The following RAB38 variants were observed in gnomAD, a reference collection of about 807,000 sequenced individuals.
RAB38 encodes RAB38, member RAS oncogene family.
RAB38 carries 15 observed loss-of-function variants against 18.4 expected under a neutral mutation model. The ratio of observed to expected loss-of-function variants is 0.82; its 90% CI spans 0.55 to 1.26. The LOEUF is 1.26. Among genes scored for constraint, RAB38 ranks in the 50% most tolerant of loss-of-function variants. RAB38 has a pLI of 0.00. For synonymous variants in RAB38, 101 were observed against 104.4 expected, an observed-to-expected ratio of 0.97 and a Z score of 0.20; for missense variants, 294 against 267.4, an observed-to-expected ratio of 1.10 and a Z score of -0.69.
At chr11:87,932,520 C>T in the RAB38 span, among the ~76,000 whole-genome samples, 2 of 152,038 alleles carry the variant, frequency 1.3e-5, no homozygotes, top group Admixed American at 1.3e-4. Context: ...CTTCTATCAT[C>T]TCACCAAATC....
the RAB38 span, among the ~76,000 whole-genome samples, chr11:87,963,115 C>A: frequency 2.0e-5 from 3 of 152,058 alleles, no homozygotes; most frequent in African/African-American, 7.2e-5. Context: ...CATTAAACAT[C>A]CTGGGAACAT....
chr11:87,945,575 G>A, the RAB38 span, among the ~76,000 whole-genome samples: 1 of 152,042 alleles, frequency 6.6e-6, no homozygotes, highest in Non-Finnish European at 1.5e-5. Context: ...GTAGAAGAGT[G>A]AAGGAAAAGA....
At chr11:88,032,375 C>A in the RAB38 span, among the ~76,000 whole-genome samples, 2 of 152,132 alleles carry the variant, frequency 1.3e-5, no homozygotes, top group East Asian at 3.9e-4. Flanking sequence ...CCAAAATTGA[C>A]AAATGGGATC....
the RAB38 span, among the ~76,000 whole-genome samples, chr11:88,070,064 C>G: frequency 6.6e-6 from 1 of 152,162 alleles, no homozygotes. Flanking sequence ...GGGTCCCCTT[C>G]CACACTGTGG....
At chr11:87,827,680 C>T in the RAB38 span, among the ~76,000 whole-genome samples, 3 of 152,244 alleles carry the variant, frequency 2.0e-5, no homozygotes, top group South Asian at 2.1e-4. Context: ...TTTCTTGACA[C>T]GGTTAGCCTG....
chr11:88,077,218 G>A, the RAB38 span, among the ~76,000 whole-genome samples: 2 of 151,762 alleles, frequency 1.3e-5, no homozygotes, highest in East Asian at 3.9e-4. Context: ...ATGACAATAT[G>A]ACCAAATGCA....
At chr11:87,965,821 G>A in the RAB38 span, among the ~76,000 whole-genome samples, 2 of 152,146 alleles carry the variant, frequency 1.3e-5, no homozygotes, top group African/African-American at 4.8e-5. Flanking sequence ...TAGGCCTAAG[G>A]TAAATGGAAG....
the RAB38 span, among the ~76,000 whole-genome samples, chr11:87,899,860 T>C: frequency 6.6e-6 from 1 of 151,682 alleles, no homozygotes; most frequent in Non-Finnish European, 1.5e-5. Context: ...ACAGTGATTA[T>C]TTGAAAACAG....
At chr11:88,032,679 A>G in the RAB38 span, among the ~76,000 whole-genome samples, 16 of 152,214 alleles carry the variant, frequency 1.1e-4, no homozygotes, top group Non-Finnish European at 2.1e-4. Flanking sequence ...ACAATGAGAT[A>G]CCATCTCACA....
the RAB38 span, among the ~76,000 whole-genome samples, chr11:87,952,638 G>T: frequency 1.3e-5 from 2 of 152,130 alleles, no homozygotes; most frequent in African/African-American, 2.4e-5. Flanking sequence ...ATTGTAATCA[G>T]TATAGGGTTC....
At chr11:88,018,157 G>C in the RAB38 span, among the ~76,000 whole-genome samples, 1 of 151,864 alleles carries the variant, frequency 6.6e-6, no homozygotes, top group East Asian at 1.9e-4. Context: ...GTAATGCACA[G>C]ACCTTCACCT....
chr11:87,893,286 T>TTTTG, the RAB38 span, among the ~76,000 whole-genome samples: 1 of 139,202 alleles, frequency 7.2e-6, no homozygotes, highest in Non-Finnish European at 1.5e-5. Flanking sequence ...TTTCCAGATT[T>TTTTG]TGTGTGTGTG....
intron 2 of RAB38, among the ~76,000 whole-genome samples, chr11:88,134,684 A>G (rs530550190): frequency 6.6e-6 from 1 of 152,342 alleles, no homozygotes; most frequent in East Asian, 1.9e-4. Context: ...GAATTTGAGT[A>G]CTTCTCACAA....
the RAB38 span, among the ~76,000 whole-genome samples, chr11:87,838,353 A>G: frequency 2.0e-5 from 3 of 152,158 alleles, no homozygotes; most frequent in Non-Finnish European, 4.4e-5. Flanking sequence ...TGACCTCATG[A>G]TCCGCCCACC....
chr11:88,064,515 C>T, the RAB38 span, among the ~76,000 whole-genome samples: 2 of 152,176 alleles, frequency 1.3e-5, 1 homozygote, highest in South Asian at 4.2e-4. Flanking sequence ...CCTTGAGTTG[C>T]CTCATGGGAG....
chr11:88,033,398 A>T, the RAB38 span, among the ~76,000 whole-genome samples: 2 of 152,142 alleles, frequency 1.3e-5, no homozygotes, highest in East Asian at 3.8e-4. Context: ...AAAAGAAAAA[A>T]AAAAGAAAGT....
In RAB38 at chr11:88,174,079, T is replaced by C. The variant is rs1177480117; in HGVS notation, c.202+1104A>G. 5.1e-6 allele frequency: 5 copies of C among 985,294 alleles called. No homozygotes were observed. In the African/African-American group the frequency reaches 5.2e-5, roughly 10 times the overall value. The allele number at this position is 985,294 out of a possible 1,614,324, so 61.0% of individuals were successfully genotyped here. A position where few individuals can be genotyped will look rare whatever the true frequency, so the allele number is the denominator to read the frequency against. On this transcript the variant is annotated intron_variant, in intron 1 of 2. Coordinates refer to ENST00000243662, the MANE Select transcript of RAB38 (RefSeq NM_022337.3). Reference sequence around the variant, plus strand: ...ACCATGAAATAAGACTGTTTGAAGTTGTTCCCATGGAGAATCCCAGAGGAC... The same window carrying C: ...ACCATGAAATAAGACTGTTTGAAGTCGTTCCCATGGAGAATCCCAGAGGAC...
At chr11:87,968,183 T>G in the RAB38 span, among the ~76,000 whole-genome samples, 4 of 151,416 alleles carry the variant, frequency 2.6e-5, no homozygotes, top group African/African-American at 9.7e-5. Flanking sequence ...CTATTGCACA[T>G]TTTCATTTTA....
chr11:88,027,445 G>T, the RAB38 span, among the ~76,000 whole-genome samples: 1,286 of 152,232 alleles, frequency 8.4e-3, 8 homozygotes, highest in Non-Finnish European at 0.014. Flanking sequence ...AAGCACAAGG[G>T]GTCAGGGAGT....
Sources: gnomAD v4.1 joint callset for allele counts (sites outside exome capture counted in the v4.1 genomes callset) on GRCh38, gnomAD v4.1.1 for gene constraint, MANE v1.5 for transcripts, NCBI Gene and HGNC (gene_info 2026-07-23, HGNC 2026-07-21) for gene names.